Variants in CFAP54 observed in about 807,000 individuals in gnomAD.
CFAP54 encodes the protein cilia and flagella associated protein 54.
In CFAP54, 290 loss-of-function variants were observed where a neutral mutation model predicts 370.4. That is an observed-to-expected ratio of 0.78 (90% CI 0.71 to 0.86). CFAP54 has a LOEUF of 0.86. CFAP54 is among the 40% of genes least tolerant of loss of function. The pLI is 0.00. For synonymous variants in CFAP54, 1,206 were observed against 1,236.5 expected, an observed-to-expected ratio of 0.98 and a Z score of 0.52; for missense variants, 3,399 against 3,528.7, an observed-to-expected ratio of 0.96 and a Z score of 0.93.
At chr12:96,630,070 A>G (rs1412883600) in intron 30 of CFAP54, 23 bp from the exon 31 acceptor site, 1 of 1,283,192 alleles carries the variant, frequency 7.8e-7, no homozygotes, top group East Asian at 2.6e-5. Flanking sequence ...GGTCTTTTTG[A>G]CTGACTTTAT....
intron 65 of CFAP54, among the ~76,000 whole-genome samples, chr12:96,824,117 C>T (rs1959061120): frequency 1.3e-5 from 2 of 152,124 alleles, no homozygotes; most frequent in Non-Finnish European, 2.9e-5. Flanking sequence ...TCATTCTGTG[C>T]CCTCCCAGCC....
Position 96,605,470 on chromosome 12 carries a change from C to G in CFAP54, c.3639+6703C>G, listed in dbSNP as rs116474726. ...CAATTCTGAGATTGGTGTGCAGGAC[C>G]CTGAACTCAAAAAGGACAAACTGGA... On this transcript the variant is annotated intron_variant, in intron 26 of 67. Coordinates refer to ENST00000524981, the MANE Select transcript of CFAP54 (RefSeq NM_001306084.2). Among the ~76,000 whole-genome samples the G allele has an allele frequency of 3.0e-3, 461 of 152,198 alleles. 4 individuals are homozygous for G. Among genetic ancestry groups the G allele is most frequent in the African/African-American group, 0.01 (421 of 41,534 alleles).
At position 96,700,209 on chromosome 12, in the gene CFAP54, T is replaced by C. The variant is rs546188824; in HGVS notation, c.6474+116T>C. The C allele has an allele frequency of 1.4e-5, 16 of 1,163,158 alleles. No homozygotes were observed. The African/African-American group carries it at 2.1e-4, about 15-fold the overall frequency. 72.1% of individuals were successfully genotyped at this position (1,163,158 alleles called of 1,614,324 possible). A position where few individuals can be genotyped will look rare whatever the true frequency, so the allele number is the denominator to read the frequency against. ...CAATCTCTGGTATTTTAGCCCTCTT[T>C]GTTAAGCCTGGTTACAACTAACATC... On this transcript the variant is annotated intron_variant, in intron 46 of 67. Coordinates refer to ENST00000524981, the MANE Select transcript of CFAP54 (RefSeq NM_001306084.2).
intron 58 of CFAP54, among the ~76,000 whole-genome samples, chr12:96,762,410 C>T (rs2136668165): frequency 6.6e-6 from 1 of 152,296 alleles, no homozygotes; most frequent in Non-Finnish European, 1.5e-5. Flanking sequence ...ATTCCACACC[C>T]CTTGCCCGGG....
At chr12:96,817,643 A>G (rs895765018) in intron 64 of CFAP54, 132 bp from the exon 65 acceptor site, 31 of 347,758 alleles carry the variant, frequency 8.9e-5, no homozygotes, top group African/African-American at 6.6e-4. Flanking sequence ...GATGGTATCA[A>G]TCTCCTGACC....
At chr12:96,730,556 C>G (rs11108658) in intron 50 of CFAP54, among the ~76,000 whole-genome samples, 3 of 151,870 alleles carry the variant, frequency 2.0e-5, no homozygotes, top group Non-Finnish European at 2.9e-5. Context: ...ATAAATGAAA[C>G]AATATAGTCA....
chr12:96,555,890 C>G (rs1301709366), intron 17 of CFAP54, among the ~76,000 whole-genome samples: 2 of 151,436 alleles, frequency 1.3e-5, no homozygotes, highest in Non-Finnish European at 3.0e-5. Context: ...TTGGGTAGAC[C>G]TTTACAATCT....
chr12:96,699,844 A>G, intron 45 of CFAP54, 127 bp from the exon 46 acceptor site: 1 of 712,828 alleles, frequency 1.4e-6, no homozygotes, highest in Non-Finnish European at 2.3e-6. Flanking sequence ...ACATTAATTC[A>G]TAATGCATTA....
chr12:96,502,929 A>T (rs1005985718), intron 2 of CFAP54, among the ~76,000 whole-genome samples: 2 of 152,138 alleles, frequency 1.3e-5, no homozygotes, highest in African/African-American at 2.4e-5. Flanking sequence ...GATGAAAGAG[A>T]GGCAAGTAGC....
chr12:96,719,940 G>A (rs10860072), intron 49 of CFAP54, among the ~76,000 whole-genome samples: 57,444 of 152,054 alleles, frequency 0.38, 11,157 homozygotes, highest in Middle Eastern at 0.41. Context: ...TGAGTTCAAG[G>A]TTAGCAAATT....
chr12:96,765,387 C>T, intron 60 of CFAP54, 169 bp downstream of exon 60: 1 of 440,480 alleles, frequency 2.3e-6, no homozygotes, highest in Non-Finnish European at 4.1e-6. Flanking sequence ...GGGCTCTTAG[C>T]TCACTGCACA....
chr12:96,605,456 T>A (rs1956290257), intron 26 of CFAP54, among the ~76,000 whole-genome samples: 1 of 152,138 alleles, frequency 6.6e-6, no homozygotes. Context: ...AATTCTGAGA[T>A]TGGTGTGCAG....
intron 63 of CFAP54, among the ~76,000 whole-genome samples, chr12:96,805,399 A>AT (rs1295095081): frequency 6.7e-6 from 1 of 150,092 alleles, no homozygotes; most frequent in Non-Finnish European, 1.5e-5. Flanking sequence ...AGAAAAAAAA[A>AT]CCATTAAAAA....
intron 50 of CFAP54, among the ~76,000 whole-genome samples, chr12:96,731,996 C>G (rs184512495): frequency 2.7e-4 from 41 of 152,292 alleles, no homozygotes; most frequent in African/African-American, 8.2e-4. Flanking sequence ...TCTCCCATTT[C>G]CAATGACTGT....
chr12:96,834,942 C>T (rs950876394), intron 66 of CFAP54, among the ~76,000 whole-genome samples: 8 of 152,170 alleles, frequency 5.3e-5, no homozygotes, highest in African/African-American at 2.4e-5. Flanking sequence ...TAGCTCCTTT[C>T]TGCAGCCAGG....
intron 4 of CFAP54, among the ~76,000 whole-genome samples, chr12:96,508,331 G>C (rs1265330831): frequency 2.0e-5 from 3 of 149,458 alleles, no homozygotes; most frequent in Non-Finnish European, 3.0e-5. Flanking sequence ...TGTTGCCCAG[G>C]CTGGAGTACA....
chr12:96,642,084 G>A (rs1641706), intron 32 of CFAP54, among the ~76,000 whole-genome samples: 115,477 of 149,418 alleles, frequency 0.77, 44,735 homozygotes, highest in Admixed American at 0.83. Flanking sequence ...ATAAAAAAAA[G>A]AAAAGAATGG....
Position 96,704,801 on chromosome 12 carries a change from G to A in CFAP54, c.6528+5G>A. 9.6e-7 allele frequency: 1 copy of A among 1,038,536 alleles called. No homozygotes were observed. 64.3% of individuals were successfully genotyped at this position (1,038,536 alleles called of 1,614,324 possible). A position where few individuals can be genotyped will look rare whatever the true frequency, so the allele number is the denominator to read the frequency against. ...ACCAGTAAAGAAAATATACAGGTAA[G>A]GATAATAATATTTTATAAACATGGT... On this transcript the variant is annotated splice_donor_5th_base_variant and intron_variant, in intron 47 of 67. Transcript: ENST00000524981.
chr12:96,628,983 G>A (rs1401974967), intron 30 of CFAP54, among the ~76,000 whole-genome samples: 2 of 152,138 alleles, frequency 1.3e-5, no homozygotes, highest in Non-Finnish European at 2.9e-5. Flanking sequence ...TAAAGGGACA[G>A]TGAGAGATGA....
Sources: allele counts gnomAD v4.1 joint callset (sites outside exome capture counted in the v4.1 genomes callset), GRCh38; gene constraint gnomAD v4.1.1; transcripts MANE v1.5; gene names NCBI Gene and HGNC (gene_info 2026-07-23, HGNC 2026-07-21).